FRMD6: variants seen among roughly 807,000 people sequenced by gnomAD.
FRMD6 encodes the protein FERM domain containing 6.
FRMD6 carries 37 observed loss-of-function variants against 73.2 expected under a neutral mutation model. That is an observed-to-expected ratio of 0.51 (90% confidence interval 0.39 to 0.66). The LOEUF (loss-of-function observed/expected upper bound fraction) is 0.66, where lower values mean the gene tolerates loss of function less well. FRMD6 is among the 30% of genes least tolerant of loss of function. FRMD6 has a pLI of 0.00. For missense variants in FRMD6, 714 were observed against 780.5 expected, an observed-to-expected ratio of 0.91 and a Z score of 1.02; for synonymous variants, 273 against 282.2, an observed-to-expected ratio of 0.97 and a Z score of 0.33.
intron 1 of FRMD6, among the ~76,000 whole-genome samples, chr14:51,672,559 A>C (rs906931152): frequency 6.6e-6 from 1 of 152,260 alleles, no homozygotes; most frequent in African/African-American, 2.4e-5. Flanking sequence ...TCAGTTCTTT[A>C]GGATGCACTA....
chr14:51,656,448 C>G (rs1383522071), intron 1 of FRMD6, among the ~76,000 whole-genome samples: 1 of 151,696 alleles, frequency 6.6e-6, no homozygotes, highest in Admixed American at 6.6e-5. Context: ...GAGTCTCGCC[C>G]TGTCGCCCAG....
chr14:51,671,336 G>A (rs908468003), intron 1 of FRMD6, among the ~76,000 whole-genome samples: 1 of 152,088 alleles, frequency 6.6e-6, no homozygotes, highest in Non-Finnish European at 1.5e-5. Flanking sequence ...TTTGAACATT[G>A]ATAGAGTTTA....
chr14:51,674,652 T>A (rs1240214871), intron 1 of FRMD6, among the ~76,000 whole-genome samples: 5 of 152,154 alleles, frequency 3.3e-5, no homozygotes, highest in African/African-American at 1.2e-4. Context: ...GGTTCCATTT[T>A]TCATGGAAGA....
intron 2 of FRMD6, among the ~76,000 whole-genome samples, chr14:51,640,233 C>T (rs970250808): frequency 6.6e-6 from 1 of 152,166 alleles, no homozygotes; most frequent in African/African-American, 2.4e-5. Flanking sequence ...ACATTCCTCC[C>T]CCTCCACGTT....
At chr14:51,454,269 T>C in the FRMD6 span, among the ~76,000 whole-genome samples, 1 of 152,240 alleles carries the variant, frequency 6.6e-6, no homozygotes, top group South Asian at 2.1e-4. Context: ...TTTTTAAACA[T>C]AACTTTGCTC....
intron 2 of FRMD6, among the ~76,000 whole-genome samples, chr14:51,611,888 G>A (rs773761107): frequency 1.4e-4 from 21 of 151,780 alleles, no homozygotes; most frequent in South Asian, 2.1e-4. Flanking sequence ...ATTATATAGC[G>A]ATAATGGGGG....
At chr14:51,529,704 C>A (rs370296402) in intron 1 of FRMD6, among the ~76,000 whole-genome samples, 7 of 152,190 alleles carry the variant, frequency 4.6e-5, no homozygotes, top group East Asian at 3.8e-4. Context: ...TTGAGAGACA[C>A]GTGTCTTAAA....
At chr14:51,697,863 T>A (rs1896049338) in intron 2 of FRMD6, 2 of 237,082 alleles carry the variant, frequency 8.4e-6, no homozygotes, top group African/African-American at 4.5e-5. Context: ...TGAAACTCAT[T>A]TATCATTTAT....
Position 51,699,836 on chromosome 14 carries a change from C to G in FRMD6, c.191-1220C>G, listed in dbSNP as rs146880746. On this transcript the variant is annotated intron_variant, in intron 3 of 13. Coordinates refer to ENST00000344768, the MANE Select transcript of FRMD6 (RefSeq NM_001267046.2). ...ACTCAAGCCAAACACAAATCAGTTT[C>G]GACAGGAAGATTGTCTGGTCTTGTT... is the stretch of plus-strand genomic sequence containing the variant. Among the ~76,000 whole-genome samples, 15 of 152,028 alleles carry G rather than the reference C, an allele frequency of 9.9e-5. No homozygotes were observed. The East Asian group carries it at 2.9e-3, about 29-fold the overall frequency.
At chr14:51,615,660 A>T (rs1890680564) in intron 2 of FRMD6, among the ~76,000 whole-genome samples, 3 of 152,202 alleles carry the variant, frequency 2.0e-5, no homozygotes. Flanking sequence ...GGTGAAAATG[A>T]CATGGTTCCT....
chr14:51,416,151 C>T, the FRMD6 span, among the ~76,000 whole-genome samples: 4 of 152,090 alleles, frequency 2.6e-5, no homozygotes, highest in Admixed American at 6.5e-5. Flanking sequence ...TCTCTATCTC[C>T]TTCAGTTCTG....
intron 1 of FRMD6, among the ~76,000 whole-genome samples, chr14:51,566,716 C>T (rs780736941): frequency 2.2e-4 from 33 of 152,264 alleles, no homozygotes; most frequent in African/African-American, 6.5e-4. Context: ...TACTTTTTAC[C>T]GCAATTACTT....
At chr14:51,448,089 A>G in the FRMD6 span, among the ~76,000 whole-genome samples, 3 of 152,214 alleles carry the variant, frequency 2.0e-5, no homozygotes, top group African/African-American at 4.8e-5. Context: ...CAGTCTCACC[A>G]TGATGGATTG....
chr14:51,659,336 A>G (rs188760350), intron 1 of FRMD6, among the ~76,000 whole-genome samples: 1 of 152,374 alleles, frequency 6.6e-6, no homozygotes, highest in Admixed American at 6.5e-5. Flanking sequence ...GATGTTAGCT[A>G]TTGCTGCTTA....
intron 2 of FRMD6, among the ~76,000 whole-genome samples, chr14:51,631,721 T>C (rs1168095950): frequency 6.6e-6 from 1 of 152,210 alleles, no homozygotes; most frequent in Non-Finnish European, 1.5e-5. Flanking sequence ...TTAAATGCAA[T>C]CCTAACTCTG....
chr14:51,416,261 ATC>A, the FRMD6 span, among the ~76,000 whole-genome samples: 1 of 152,086 alleles, frequency 6.6e-6, no homozygotes, highest in Non-Finnish European at 1.5e-5. Flanking sequence ...TCAATTTTAG[ATC>A]TTTCCTGCTT....
chr14:51,594,306 T>TTTTATTTATTTA (rs148367741), intron 2 of FRMD6, among the ~76,000 whole-genome samples: 9,529 of 142,988 alleles, frequency 0.067, 551 homozygotes, highest in African/African-American at 0.15. Context: ...TGTATTTTAT[T>TTTTATTTATTTA]TTTATTTATT....
intron 1 of FRMD6, among the ~76,000 whole-genome samples, chr14:51,677,047 C>T (rs957506844): frequency 9.9e-5 from 15 of 152,018 alleles, no homozygotes; most frequent in African/African-American, 2.7e-4. Flanking sequence ...TTTTGAGATT[C>T]GCACTTGTTA....
At chr14:51,585,989 T>C (rs1889031142) in intron 2 of FRMD6, among the ~76,000 whole-genome samples, 1 of 102,278 alleles carries the variant, frequency 9.8e-6, no homozygotes, top group Non-Finnish European at 2.2e-5. Context: ...CCTTTGTTGA[T>C]GGGTACTTGG....
Sources: allele counts gnomAD v4.1 joint callset (sites outside exome capture counted in the v4.1 genomes callset), GRCh38; gene constraint gnomAD v4.1.1; transcripts MANE v1.5; gene names NCBI Gene and HGNC (gene_info 2026-07-23, HGNC 2026-07-21).